ACKR3: variants seen among roughly 807,000 people sequenced by gnomAD.
ACKR3 encodes the protein C-X-C chemokine receptor type 7.
A neutral mutation model predicts 22.4 loss-of-function variants in ACKR3; 6 were observed. The observed-to-expected ratio is 0.27, with a 90% CI of 0.15 to 0.53. The LOEUF is 0.53. ACKR3 is among the 20% of genes least tolerant of loss of function. The pLI is 0.96. For synonymous variants in ACKR3, 209 were observed against 205.2 expected, an observed-to-expected ratio of 1.02 and a Z score of -0.16; for missense variants, 396 against 475.2, an observed-to-expected ratio of 0.83 and a Z score of 1.55.
chr2:236,556,839 C>T, the ACKR3 span, among the ~76,000 whole-genome samples: 35 of 152,308 alleles, frequency 2.3e-4, no homozygotes, highest in East Asian at 6.0e-3. Context: ...CAGTGCCCAC[C>T]ACCATCCCTG....
At chr2:236,549,674 T>C in the ACKR3 span, among the ~76,000 whole-genome samples, 1 of 152,212 alleles carries the variant, frequency 6.6e-6, no homozygotes, top group African/African-American at 2.4e-5. The surrounding 1 kb of genome is among the most constrained non-coding windows in gnomAD (Gnocchi z 5.3). Flanking sequence ...TAGTTGGTGC[T>C]GGAAGACTTG....
chr2:236,575,141 G>GA (rs1270540290), intron 1 of ACKR3, among the ~76,000 whole-genome samples: 1 of 152,076 alleles, frequency 6.6e-6, no homozygotes, highest in Non-Finnish European at 1.5e-5. Flanking sequence ...CATGAACCTC[G>GA]ATTGTTCTGT....
chr2:236,553,740 C>T, the ACKR3 span, among the ~76,000 whole-genome samples: 15 of 152,384 alleles, frequency 9.8e-5, no homozygotes, highest in African/African-American at 3.1e-4. Context: ...AGAGAAGCTG[C>T]GAACTGCGAG....
Position 236,581,421 on chromosome 2 carries a change from A to G in ACKR3, c.956A>G (p.Asn319Ser), listed in dbSNP as rs1340382935. Residue 319 changes from asparagine to serine, a missense_variant, in exon 2 of 2, where the codon AAT becomes AGT. Asn to Ser is a conservative substitution (Grantham distance 46). Transcript: ENST00000272928. This position sits in a 1 kb window ranked among gnomAD's most constrained non-coding sequence, Gnocchi z 4.4. ...AACCCTGTCCTCTACAGCTTCATCA[A>G]TCGCAACTACAGGTACGAGCTGATG... ...CVNPVLYSFINRNYRYELMKA... is the reference protein window; with the variant it reads ...CVNPVLYSFISRNYRYELMKA... 2.5e-6 allele frequency: 4 copies of G among 1,614,048 alleles called. No homozygotes were observed. The highest frequency in any genetic ancestry group is 1.3e-5 in the African/African-American group (1 of 75,012).
At chr2:236,540,818 T>A in the ACKR3 span, among the ~76,000 whole-genome samples, 1 of 152,234 alleles carries the variant, frequency 6.6e-6, no homozygotes, top group East Asian at 1.9e-4. Context: ...TGTGTGCCTG[T>A]TTCTAGGGTC....
the ACKR3 span, among the ~76,000 whole-genome samples, chr2:236,553,053 C>T: frequency 6.6e-6 from 1 of 152,230 alleles, no homozygotes; most frequent in Non-Finnish European, 1.5e-5. Flanking sequence ...TACTCCTTTT[C>T]TTACAGGACT....
At chr2:236,551,736 T>C in the ACKR3 span, among the ~76,000 whole-genome samples, 1 of 152,216 alleles carries the variant, frequency 6.6e-6, no homozygotes, top group Non-Finnish European at 1.5e-5. Flanking sequence ...CTTCTCCTTT[T>C]CAGTGTGAAC....
At chr2:236,557,795 A>C in the ACKR3 span, among the ~76,000 whole-genome samples, 1 of 152,192 alleles carries the variant, frequency 6.6e-6, no homozygotes, top group African/African-American at 2.4e-5. Flanking sequence ...TCATGGGACA[A>C]ATTGGTGTTG....
the ACKR3 span, among the ~76,000 whole-genome samples, chr2:236,559,490 A>G: frequency 2.0e-5 from 3 of 152,258 alleles, no homozygotes; most frequent in East Asian, 5.8e-4. Flanking sequence ...CCTTTCTTCC[A>G]TCTGTGGTTT....
the ACKR3 span, among the ~76,000 whole-genome samples, chr2:236,547,460 GA>G: frequency 2.0e-5 from 3 of 152,056 alleles, no homozygotes; most frequent in Non-Finnish European, 4.4e-5. Flanking sequence ...TGGATTTACC[GA>G]CAAGCAGATT....
intron 1 of ACKR3, among the ~76,000 whole-genome samples, chr2:236,572,761 G>C (rs542112998): frequency 1.2e-4 from 18 of 152,328 alleles, no homozygotes; most frequent in African/African-American, 4.3e-4. Flanking sequence ...GGGCAGCTGA[G>C]CACAATAGAC....
the ACKR3 span, among the ~76,000 whole-genome samples, chr2:236,546,595 AC>A: frequency 6.6e-6 from 1 of 152,188 alleles, no homozygotes; most frequent in South Asian, 2.1e-4. This position sits in a 1 kb window ranked among gnomAD's most constrained non-coding sequence, Gnocchi z 4.9. Flanking sequence ...GCCAGACGTG[AC>A]CACCCTCCTG....
chr2:236,562,113 T>C, the ACKR3 span, among the ~76,000 whole-genome samples: 1 of 152,256 alleles, frequency 6.6e-6, no homozygotes, highest in South Asian at 2.1e-4. Flanking sequence ...ATATGAGGCC[T>C]ACGTCAAATT....
chr2:236,538,012 C>T, the ACKR3 span, among the ~76,000 whole-genome samples: 1 of 151,712 alleles, frequency 6.6e-6, no homozygotes, highest in Non-Finnish European at 1.5e-5. Context: ...GTAGGTATTC[C>T]AAAAAGAATA....
chr2:236,537,187 G>C, the ACKR3 span, among the ~76,000 whole-genome samples: 1 of 152,144 alleles, frequency 6.6e-6, no homozygotes, highest in Non-Finnish European at 1.5e-5. Context: ...TGTGGCAAGC[G>C]GTCTACTAAT....
chr2:236,558,407 GGCA>G, the ACKR3 span, among the ~76,000 whole-genome samples: 8 of 152,188 alleles, frequency 5.3e-5, no homozygotes, highest in Non-Finnish European at 1.2e-4. Flanking sequence ...AAGGGTGATG[GGCA>G]GCGAGAACAA....
At chr2:236,548,229 AT>A in the ACKR3 span, among the ~76,000 whole-genome samples, 1 of 151,640 alleles carries the variant, frequency 6.6e-6, no homozygotes, top group Non-Finnish European at 1.5e-5. This position sits in a 1 kb window ranked among gnomAD's most constrained non-coding sequence, Gnocchi z 4.3. Context: ...TTATGATTTA[AT>A]TTTTTTTCTT....
In ACKR3 at chr2:236,581,054, C is replaced by G; in HGVS notation, c.589C>G (p.Arg197Gly). 1 of 1,614,170 alleles carries G rather than the reference C, an allele frequency of 6.2e-7. No homozygotes were observed. Among genetic ancestry groups the G allele is most frequent in the Non-Finnish European group, 8.5e-7 (1 of 1,180,042 alleles). Residue 197 changes from arginine to glycine, a missense_variant, in exon 2 of 2, where the codon CGG becomes GGG. By Grantham distance (125) the Arg-to-Gly change is moderately radical. Transcript: ENST00000272928. The surrounding 1 kb of genome is among the most constrained non-coding windows in gnomAD (Gnocchi z 4.4). ...TGCGTCCAACAATGAGACCTACTGC[C>G]GGTCCTTCTACCCCGAGCACAGCAT... The part of the protein sequence containing the change: ...TSASNNETYC[R>G]SFYPEHSIKE...
At chr2:236,537,404 C>T in the ACKR3 span, among the ~76,000 whole-genome samples, 1 of 152,178 alleles carries the variant, frequency 6.6e-6, no homozygotes, top group Non-Finnish European at 1.5e-5. Flanking sequence ...CATGAATAGG[C>T]TTGGGGCAGT....
Sources: gnomAD v4.1 joint callset for allele counts (sites outside exome capture counted in the v4.1 genomes callset) on GRCh38, gnomAD v4.1.1 for gene constraint, Gnocchi (gnomAD v3.1) non-coding constraint, MANE v1.5 for transcripts, NCBI Gene and HGNC (gene_info 2026-07-23, HGNC 2026-07-21) for gene names.